RSRC1: variants seen among roughly 807,000 people sequenced by gnomAD.
RSRC1 encodes the protein arginine and serine rich coiled-coil 1.
Under a neutral mutation model 49.1 loss-of-function variants are expected in RSRC1, and 39 were observed. The ratio of observed to expected loss-of-function variants is 0.79; its 90% CI spans 0.61 to 1.04. The LOEUF (loss-of-function observed/expected upper bound fraction) is 1.04. Among genes scored for constraint, RSRC1 ranks in the 50% least tolerant of loss-of-function variants. RSRC1 has a pLI of 0.00. For missense variants in RSRC1, 388 were observed against 402.4 expected, an observed-to-expected ratio of 0.96 and a Z score of 0.31; for synonymous variants, 143 against 130.8, an observed-to-expected ratio of 1.09 and a Z score of -0.63.
chr3:158,439,691 C>A (rs998121691), intron 6 of RSRC1, among the ~76,000 whole-genome samples: 1 of 152,070 alleles, frequency 6.6e-6, no homozygotes, highest in African/African-American at 2.4e-5. Context: ...AGAGGGATAG[C>A]ATTAGGAGAA....
At chr3:158,355,313 G>A (rs1282388686) in intron 6 of RSRC1, among the ~76,000 whole-genome samples, 1 of 151,328 alleles carries the variant, frequency 6.6e-6, no homozygotes, top group Non-Finnish European at 1.5e-5. Flanking sequence ...AGTCTTAAAT[G>A]TAACATGTAA....
chr3:158,341,939 A>G (rs1730267280), intron 5 of RSRC1, among the ~76,000 whole-genome samples: 1 of 152,212 alleles, frequency 6.6e-6, no homozygotes, highest in Non-Finnish European at 1.5e-5. Context: ...TTGGAACTTT[A>G]AAGTTTGACT....
chr3:158,171,231 G>A (rs1718863307), intron 3 of RSRC1, among the ~76,000 whole-genome samples: 1 of 152,178 alleles, frequency 6.6e-6, no homozygotes, highest in African/African-American at 2.4e-5. Flanking sequence ...AAACTGGACT[G>A]ATTGCTTGCT....
At chr3:158,269,072 A>G (rs1282642113) in intron 4 of RSRC1, among the ~76,000 whole-genome samples, 1 of 152,134 alleles carries the variant, frequency 6.6e-6, no homozygotes, top group African/African-American at 2.4e-5. Context: ...TTTGATTTTT[A>G]TTTCTTAAAT....
chr3:158,165,429 A>T (rs995733491), intron 3 of RSRC1, among the ~76,000 whole-genome samples: 1 of 152,212 alleles, frequency 6.6e-6, no homozygotes, highest in African/African-American at 2.4e-5. Context: ...CTGCCTAATT[A>T]TTTCTAATTG....
chr3:158,390,507 A>G (rs1479993854), intron 6 of RSRC1, among the ~76,000 whole-genome samples: 4 of 152,208 alleles, frequency 2.6e-5, no homozygotes, highest in Admixed American at 2.6e-4. Context: ...CATAAGTGTA[A>G]TGATAGTATT....
At chr3:158,256,880 G>A (rs1208433024) in intron 4 of RSRC1, among the ~76,000 whole-genome samples, 1 of 151,868 alleles carries the variant, frequency 6.6e-6, no homozygotes. Flanking sequence ...AGTATTCTCT[G>A]ATGGTAGTTT....
At chr3:158,234,866 G>A (rs926147399) in intron 4 of RSRC1, among the ~76,000 whole-genome samples, 1 of 151,990 alleles carries the variant, frequency 6.6e-6, no homozygotes, top group African/African-American at 2.4e-5. Flanking sequence ...TGCATGGATG[G>A]CCTATATTTT....
chr3:158,543,473 C>T lies in RSRC1; in HGVS notation c.898C>T (p.Leu300=), dbSNP rs1447349426. 22 of 1,603,072 alleles carry T rather than the reference C, an allele frequency of 1.4e-5. No homozygotes were observed. Among genetic ancestry groups the T allele is most frequent in the Non-Finnish European group, 1.7e-5 (20 of 1,175,978 alleles). The change falls in exon 9 of 10, where the codon CTG becomes TTG. Residue 300 remains leucine (L), a synonymous_variant. Transcript: ENST00000611884. Reference sequence around the variant, plus strand: ...TATCAAGTACCAAGATGACAATTCCCTGGCCCATCCAAATGTAATATCCTT... The same window carrying T: ...TATCAAGTACCAAGATGACAATTCCTTGGCCCATCCAAATGTAATATCCTT... ...TAIKYQDDNS[L]AHPNLFIEKA... is the part of the protein sequence containing the mutation.
chr3:158,188,284 A>T (rs188326669), intron 3 of RSRC1, among the ~76,000 whole-genome samples: 23 of 151,940 alleles, frequency 1.5e-4, no homozygotes, highest in African/African-American at 5.5e-4. Context: ...TAGAACCTCT[A>T]TTTTTCACCT....
At chr3:158,156,523 T>G (rs1253350319) in intron 3 of RSRC1, among the ~76,000 whole-genome samples, 1 of 152,228 alleles carries the variant, frequency 6.6e-6, no homozygotes. Flanking sequence ...TAGCTCTTGG[T>G]CTTTTTTGGC....
At chr3:158,471,666 T>C (rs1015020392) in intron 7 of RSRC1, among the ~76,000 whole-genome samples, 1 of 152,200 alleles carries the variant, frequency 6.6e-6, no homozygotes, top group African/African-American at 2.4e-5. Context: ...TGTATACTGA[T>C]GGTGAATTCA....
intron 5 of RSRC1, among the ~76,000 whole-genome samples, chr3:158,303,813 A>T (rs1727701787): frequency 6.6e-6 from 1 of 152,226 alleles, no homozygotes; most frequent in Admixed American, 6.5e-5. Context: ...TTATCTTGCA[A>T]GAGTAACAGA....
At chr3:158,312,103 T>G (rs1326386981) in intron 5 of RSRC1, among the ~76,000 whole-genome samples, 1 of 150,976 alleles carries the variant, frequency 6.6e-6, no homozygotes, top group Non-Finnish European at 1.5e-5. Context: ...TTATTTTGGT[T>G]GTTGTCCCTG....
chr3:158,362,784 C>T (rs575053137), intron 6 of RSRC1, among the ~76,000 whole-genome samples: 5 of 152,214 alleles, frequency 3.3e-5, no homozygotes, highest in East Asian at 3.9e-4. Context: ...TCTGCAAAAA[C>T]GTATTATCAT....
At chr3:158,412,684 G>A (rs941812053) in intron 6 of RSRC1, among the ~76,000 whole-genome samples, 1 of 152,114 alleles carries the variant, frequency 6.6e-6, no homozygotes, top group Non-Finnish European at 1.5e-5. Flanking sequence ...CCTGAGAGCA[G>A]TGGCTCATGC....
chr3:158,180,820 T>G (rs1404360750), intron 3 of RSRC1, among the ~76,000 whole-genome samples: 1 of 148,798 alleles, frequency 6.7e-6, no homozygotes, highest in African/African-American at 2.5e-5. Flanking sequence ...TTTTTTTTTT[T>G]TTGAGATGGA....
intron 3 of RSRC1, among the ~76,000 whole-genome samples, chr3:158,129,491 A>C (rs1459635549): frequency 6.6e-6 from 1 of 151,870 alleles, no homozygotes; most frequent in East Asian, 1.9e-4. Context: ...GGGTTTCACC[A>C]TGTTGGCCAG....
intron 3 of RSRC1, among the ~76,000 whole-genome samples, chr3:158,144,016 C>G (rs761924455): frequency 2.6e-5 from 4 of 152,084 alleles, no homozygotes; most frequent in Non-Finnish European, 5.9e-5. Context: ...TAGTGTTTCC[C>G]TTTACTGATG....
Sources: gnomAD v4.1 joint callset for allele counts (sites outside exome capture counted in the v4.1 genomes callset) on GRCh38, gnomAD v4.1.1 for gene constraint, MANE v1.5 for transcripts, NCBI Gene and HGNC (gene_info 2026-07-23, HGNC 2026-07-21) for gene names.